Variants in PLXNA4 observed in about 807,000 individuals in gnomAD.
PLXNA4 encodes plexin-A4.
In PLXNA4, 44 loss-of-function variants were observed where a neutral mutation model predicts 191.8. The ratio of observed to expected loss-of-function variants is 0.23; its 90% CI spans 0.18 to 0.29. The LOEUF (loss-of-function observed/expected upper bound fraction) is 0.29, where lower values mean the gene tolerates loss of function less well. Ranked by LOEUF, PLXNA4 falls within the 10% of genes least tolerant of loss-of-function variation. The pLI, the probability that PLXNA4 is intolerant of heterozygous loss-of-function variation, is 1.00. For synonymous variants in PLXNA4, 1,082 were observed against 1,009.5 expected (o/e 1.07, Z -1.36); for missense variants, 1,800 against 2,488.8 (o/e 0.72, Z 5.89).
chr7:132,339,850 G>C (rs1239192865), intron 3 of PLXNA4, among the ~76,000 whole-genome samples: 3 of 152,146 alleles, frequency 2.0e-5, no homozygotes, highest in African/African-American at 7.2e-5. Context: ...TTAACTGGAA[G>C]TTTCTTTATA....
chr7:132,201,911 G>A (rs1797447827), intron 12 of PLXNA4, among the ~76,000 whole-genome samples: 1 of 152,154 alleles, frequency 6.6e-6, no homozygotes, highest in Non-Finnish European at 1.5e-5. Flanking sequence ...CCAGAGCAAG[G>A]TACCTTGCCT....
chr7:132,409,444 C>T (rs1446128025), intron 3 of PLXNA4, among the ~76,000 whole-genome samples: 1 of 152,194 alleles, frequency 6.6e-6, no homozygotes, highest in Non-Finnish European at 1.5e-5. Context: ...ATCTGATGGT[C>T]TCATGGTTTC....
Position 132,241,098 on chromosome 7 carries a change from G to A in PLXNA4, c.1572C>T (p.Asp524=). ...QSCGECLGSG[D]PHCGWCVLHN... is the part of the protein sequence containing the mutation. ...GCAGCACACACCAGCCACAGTGGGGGTCGCCTGAGCCAAGGCACTCGCCGC... is the reference window on the plus strand; with the variant it reads ...GCAGCACACACCAGCCACAGTGGGGATCGCCTGAGCCAAGGCACTCGCCGC... Residue 524 remains aspartate, a synonymous_variant, in exon 5 of 32, where the codon GAC becomes GAT. Transcript: ENST00000321063. The A allele has an allele frequency of 6.2e-7, 1 of 1,613,222 alleles. No homozygotes were observed. The highest frequency in any genetic ancestry group is 8.5e-7 in the Non-Finnish European group (1 of 1,179,386).
In PLXNA4 at chr7:132,391,858, G is replaced by C. The variant is rs1378415499; in HGVS notation, c.1372-93636C>G. Among the ~76,000 whole-genome samples, 8 of 152,280 alleles carry C rather than the reference G, an allele frequency of 5.3e-5. No homozygotes were observed. In the East Asian group the frequency reaches 9.7e-4, roughly 18 times the overall value. ...GATTCCTGGAATGGCTGGGCCCGGT[G>C]GCTCACGCTTGTAATCCCAGCACTT... is the stretch of plus-strand genomic sequence containing the variant. On this transcript the variant is annotated intron_variant, in intron 3 of 31. Coordinates refer to ENST00000321063, the MANE Select transcript of PLXNA4 (RefSeq NM_020911.2).
Position 132,497,122 on chromosome 7 carries a change from G to GCACACACA in PLXNA4, c.1189-7656_1189-7649dup, listed in dbSNP as rs34913954. ...CACTTATGCACACTTGTGCACGCACGCACACACACACACACACACACATAC... is the reference window on the plus strand; with the variant it reads ...CACTTATGCACACTTGTGCACGCACGCACACACACACACACACACACACACACACATAC... On this transcript the variant is annotated intron_variant, in intron 2 of 31. Coordinates refer to ENST00000321063, the MANE Select transcript of PLXNA4 (RefSeq NM_020911.2). Among the ~76,000 whole-genome samples the GCACACACA allele has an allele frequency of 1.6e-3, 234 of 150,280 alleles. 4 individuals are homozygous for GCACACACA. The highest frequency in any genetic ancestry group is 1.8e-3 in the Non-Finnish European group (124 of 67,334).
chr7:132,510,963 G>T (rs1381593258), intron 1 of PLXNA4, among the ~76,000 whole-genome samples: 3 of 152,200 alleles, frequency 2.0e-5, no homozygotes, highest in Non-Finnish European at 4.4e-5. Context: ...AAATGAAATT[G>T]TAGAGGAAAA....
At chr7:132,275,504 C>T (rs1439536795) in intron 4 of PLXNA4, among the ~76,000 whole-genome samples, 1 of 152,178 alleles carries the variant, frequency 6.6e-6, no homozygotes, top group Middle Eastern at 3.2e-3. Context: ...GCACATTATA[C>T]CTCAGTAAAG....
At chr7:132,419,631 G>T (rs1794783094) in intron 3 of PLXNA4, among the ~76,000 whole-genome samples, 1 of 152,172 alleles carries the variant, frequency 6.6e-6, no homozygotes, top group African/African-American at 2.4e-5. Flanking sequence ...TTCTGGTCAT[G>T]TTCCATTAAG....
chr7:132,262,507 G>T (rs1799684212), intron 4 of PLXNA4, among the ~76,000 whole-genome samples: 1 of 152,128 alleles, frequency 6.6e-6, no homozygotes, highest in African/African-American at 2.4e-5. Flanking sequence ...TGTCCTTCAA[G>T]GTGGTCCCAT....
intron 2 of PLXNA4, among the ~76,000 whole-genome samples, chr7:132,495,510 C>T (rs972624578): frequency 1.3e-5 from 2 of 152,308 alleles, no homozygotes; most frequent in Admixed American, 1.3e-4. Context: ...TATGTACCTG[C>T]CCTGCTGCTC....
Position 132,446,391 on chromosome 7 carries a change from G to T in PLXNA4, c.1371+42901C>A, listed in dbSNP as rs535053926. ...CCAGCCCGTGTGCCATTAACTATCTGCCCCAAGTCTCACTGCTAAAAGAGG... is the reference window on the plus strand; with the variant it reads ...CCAGCCCGTGTGCCATTAACTATCTTCCCCAAGTCTCACTGCTAAAAGAGG... On this transcript the variant is annotated intron_variant, in intron 3 of 31. Coordinates refer to ENST00000321063, the MANE Select transcript of PLXNA4 (RefSeq NM_020911.2). Among the ~76,000 whole-genome samples the T allele has an allele frequency of 2.8e-4, 42 of 152,222 alleles. No individual in the cohort carries two copies. In the South Asian group the frequency reaches 8.1e-3, roughly 29 times the overall value.
chr7:132,434,693 T>G (rs1438693022), intron 3 of PLXNA4, among the ~76,000 whole-genome samples: 1 of 152,192 alleles, frequency 6.6e-6, no homozygotes, highest in Non-Finnish European at 1.5e-5. Flanking sequence ...CTTGCCTCAT[T>G]TGGGGACACC....
chr7:132,376,654 C>T (rs968969763), intron 3 of PLXNA4, among the ~76,000 whole-genome samples: 2 of 152,214 alleles, frequency 1.3e-5, no homozygotes, highest in African/African-American at 4.8e-5. Context: ...GAGAGAAGGC[C>T]TTCCCAGGCC....
In PLXNA4 at chr7:132,302,274, A is replaced by C. The variant is rs190427234; in HGVS notation, c.1372-4052T>G. The stretch of plus-strand genomic sequence containing the variant: ...TTCTAAACTCTTTGGGACAGCAAGA[A>C]GGCCAATAACAAAGGTGAACTACAA... On this transcript the variant is annotated intron_variant, in intron 3 of 31. Coordinates refer to ENST00000321063, the MANE Select transcript of PLXNA4 (RefSeq NM_020911.2). 1.9e-3 allele frequency among the ~76,000 whole-genome samples: 294 copies of C among 152,252 alleles called. 4 individuals are homozygous for C. Among genetic ancestry groups the C allele is most frequent in the African/African-American group, 6.8e-3 (281 of 41,566 alleles).
intron 4 of PLXNA4, among the ~76,000 whole-genome samples, chr7:132,279,729 C>T (rs1800407885): frequency 6.6e-6 from 1 of 152,198 alleles, no homozygotes. Flanking sequence ...ATGTTTAATA[C>T]TTCACCTGCT....
intron 3 of PLXNA4, among the ~76,000 whole-genome samples, chr7:132,424,452 G>A (rs1794964465): frequency 6.6e-6 from 1 of 152,184 alleles, no homozygotes; most frequent in Non-Finnish European, 1.5e-5. Flanking sequence ...CCAGGCTGAT[G>A]TCGTCTTCAT....
At chr7:132,459,122 CGCT>C in intron 3 of PLXNA4, among the ~76,000 whole-genome samples, 1 of 152,326 alleles carries the variant, frequency 6.6e-6, no homozygotes, top group East Asian at 1.9e-4. Flanking sequence ...CCAGAGCCCG[CGCT>C]CTTCCTCCTG....
At chr7:132,562,244 TCTCCTC>T (rs201148070) in intron 1 of PLXNA4, among the ~76,000 whole-genome samples, 11 of 64,042 alleles carry the variant, frequency 1.7e-4, no homozygotes, top group Non-Finnish European at 3.4e-4. Flanking sequence ...TACTCCTCCT[TCTCCTC>T]CTCCTCCTCT....
intron 1 of PLXNA4, among the ~76,000 whole-genome samples, chr7:132,561,147 C>T (rs1239055978): frequency 2.0e-5 from 3 of 152,056 alleles, no homozygotes; most frequent in Non-Finnish European, 4.4e-5. Context: ...CCTTGAACTC[C>T]TGCAGACCCC....
Sources: allele counts gnomAD v4.1 joint callset (sites outside exome capture counted in the v4.1 genomes callset), GRCh38; gene constraint gnomAD v4.1.1; transcripts MANE v1.5; gene names NCBI Gene and HGNC (gene_info 2026-07-23, HGNC 2026-07-21).